The following PGM3 variants were observed in gnomAD, a reference collection of about 807,000 sequenced individuals.
PGM3 encodes phosphoglucomutase 3.
In PGM3, 40 loss-of-function variants were observed where a neutral mutation model predicts 66.2. The observed-to-expected ratio is 0.60, with a 90% CI of 0.47 to 0.79. PGM3 has a LOEUF of 0.79. Ranked by LOEUF, PGM3 falls within the 30% of genes least tolerant of loss-of-function variation. The pLI is 0.00. For synonymous variants in PGM3, 191 were observed against 224.2 expected (o/e 0.85, Z 1.32); for missense variants, 537 against 643.4 (o/e 0.83, Z 1.79).
intron 2 of PGM3, 79 bp downstream of exon 2, chr6:83,190,730 C>A: frequency 8.9e-7 from 1 of 1,121,298 alleles, no homozygotes. Flanking sequence ...AGAATTTGTA[C>A]TTTAGGTCAA....
the PGM3 span, chr6:83,154,303 C>G: frequency 1.4e-6 from 2 of 1,462,060 alleles, no homozygotes; most frequent in Non-Finnish European, 1.9e-6. Context: ...TTACTATTTA[C>G]TTGTACTCTT....
chr6:83,152,620 C>CTTTTTT, the PGM3 span, among the ~76,000 whole-genome samples: 9 of 133,880 alleles, frequency 6.7e-5, no homozygotes, highest in Non-Finnish European at 9.7e-5. Flanking sequence ...TTTTCTTTTT[C>CTTTTTT]TTTTTTTTTT....
chr6:83,171,844 G>C lies in PGM3; in HGVS notation c.1365+93C>G. ...ATATGTGTATGTACAGAATGAAATA[G>C]GAAACATATGTCAGTGAGATATAAT... On this transcript the variant is annotated intron_variant, in intron 11 of 12. Coordinates refer to ENST00000513973, the MANE Select transcript of PGM3 (RefSeq NM_015599.3). 3.0e-6 allele frequency: 3 copies of C among 1,015,118 alleles called. No homozygotes were observed. The South Asian group carries it at 4.4e-5, about 15-fold the overall frequency. 62.9% of individuals were successfully genotyped at this position (1,015,118 alleles called of 1,614,324 possible).
chr6:83,184,925 A>C (rs528428209), intron 4 of PGM3, among the ~76,000 whole-genome samples: 18 of 152,306 alleles, frequency 1.2e-4, no homozygotes, highest in African/African-American at 3.8e-4. Flanking sequence ...CTCTTCTCCT[A>C]GCCCCTCTTC....
In PGM3 at chr6:83,169,266, C is replaced by G. The variant is rs1258220855; in HGVS notation, c.1597G>C (p.Gly533Arg). The G allele has an allele frequency of 6.2e-7, 1 of 1,614,084 alleles. No homozygotes were observed. The highest frequency in any genetic ancestry group is 1.7e-5 in the Admixed American group (1 of 60,024). Residue 533 changes from glycine (G) to arginine (R), a missense_variant, in exon 13 of 13, where the codon GGA becomes CGA. Coordinates refer to ENST00000513973, the MANE Select transcript of PGM3 (RefSeq NM_015599.3). ...CCTGGTTGGGGCCTTTCTCCAATTC[C>G]TCCAGCCAGCTGAAATACTGCCAAG... ...VSLAVFQLAGGIGERPQPGF is the reference protein window; with the variant it reads ...VSLAVFQLAGRIGERPQPGF
chr6:83,154,513 T>G, the PGM3 span, among the ~76,000 whole-genome samples: 7 of 152,320 alleles, frequency 4.6e-5, no homozygotes, highest in South Asian at 1.2e-3. Flanking sequence ...CATGTCTAAT[T>G]TGAATCTAAA....
At position 83,192,261 on chromosome 6, in the gene PGM3, T is replaced by C. The variant is rs574089306; in HGVS notation, c.-3+918A>G. ...GGCTGGGCGACAGGGTGAGACTCCG[T>C]CTCAAAACAAACAACAACAAAAAAT... is the stretch of plus-strand genomic sequence containing the variant. On this transcript the variant is annotated intron_variant, in intron 1 of 12. Transcript: ENST00000513973. Among the ~76,000 whole-genome samples, 4 of 152,332 alleles carry C rather than the reference T, an allele frequency of 2.6e-5. No individual in the cohort carries two copies. The East Asian group carries it at 5.8e-4, about 22-fold the overall frequency.
At position 83,167,524 on chromosome 6, in the gene PGM3, G is replaced by T. The variant is rs1786060743; in HGVS notation, c.*1710C>A. Reference sequence around the variant, plus strand: ...CTAGTCCTTGGTTACAGTAGTGAGGGTTCAGAAACCTGGGAGCTTTTTGAG... The same window carrying T: ...CTAGTCCTTGGTTACAGTAGTGAGGTTTCAGAAACCTGGGAGCTTTTTGAG... On this transcript the variant is annotated 3_prime_UTR_variant, in exon 13 of 13. Transcript: ENST00000513973. 1 of 1,020,334 alleles carries T rather than the reference G, an allele frequency of 9.8e-7. No homozygotes were observed. Among genetic ancestry groups the T allele is most frequent in the South Asian group, 4.5e-5 (1 of 22,090 alleles). The allele number at this position is 1,020,334 out of a possible 1,614,324, so 63.2% of individuals were successfully genotyped here. A position where few individuals can be genotyped will look rare whatever the true frequency, so the allele number is the denominator to read the frequency against.
chr6:83,149,016 T>G, the PGM3 span, among the ~76,000 whole-genome samples: 9 of 151,480 alleles, frequency 5.9e-5, no homozygotes, highest in East Asian at 1.7e-3. Flanking sequence ...AAGGCCTGTT[T>G]AAGAAAAAAA....
chr6:83,160,824 T>C (rs1784056835), downstream of PGM3, among the ~76,000 whole-genome samples: 2 of 152,154 alleles, frequency 1.3e-5, no homozygotes, highest in Admixed American at 1.3e-4. Context: ...GGATAAAGAG[T>C]ATGCTACTGA....
Position 83,168,735 on chromosome 6 carries a change from C to G in PGM3, c.*499G>C. 3 of 997,344 alleles carry G rather than the reference C, an allele frequency of 3.0e-6. No individual in the cohort carries two copies. Among genetic ancestry groups the G allele is most frequent in the Non-Finnish European group, 3.6e-6 (3 of 836,630 alleles). The allele number at this position is 997,344 out of a possible 1,614,324, so 61.8% of individuals were successfully genotyped here. On this transcript the variant is annotated 3_prime_UTR_variant, in exon 13 of 13. Coordinates refer to ENST00000513973, the MANE Select transcript of PGM3 (RefSeq NM_015599.3). ...AACCCCCTATTCATACCTCTGAGTT[C>G]CTGATGGCATTAGTCATATAGGTAA...
chr6:83,169,760 T>C (rs1231848000), intron 12 of PGM3: 2 of 457,980 alleles, frequency 4.4e-6, no homozygotes, highest in South Asian at 1.5e-5. Flanking sequence ...GCACTCACTG[T>C]ACTTTGCCCT....
chr6:83,166,668 AC>A lies in PGM3; in HGVS notation c.*2565del, dbSNP rs146881049. The A allele has an allele frequency of 1.7e-3, 2,127 of 1,269,152 alleles. 51 individuals carry two copies. In the East Asian group the frequency reaches 0.052, roughly 31 times the overall value. The allele number at this position is 1,269,152 out of a possible 1,614,324, so 78.6% of individuals were successfully genotyped here. ...TTTCAACAATGCAAAAACCGCAATT[AC>A]GTTTGCACCAACCTAATATTTTCCT... On this transcript the variant is annotated 3_prime_UTR_variant, in exon 13 of 13. Coordinates refer to ENST00000513973, the MANE Select transcript of PGM3 (RefSeq NM_015599.3).
intron 11 of PGM3, 135 bp downstream of exon 11, chr6:83,171,802 C>A (rs751336907): frequency 1.1e-4 from 78 of 715,700 alleles, no homozygotes; most frequent in Non-Finnish European, 1.6e-4. Context: ...CCCATAAGGC[C>A]TTATTTTCTA....
chr6:83,152,521 A>G, the PGM3 span, among the ~76,000 whole-genome samples: 1 of 151,858 alleles, frequency 6.6e-6, no homozygotes, highest in Non-Finnish European at 1.5e-5. Context: ...TTGGCCTTGT[A>G]TGTATTTGGA....
At chr6:83,176,090 C>G in intron 8 of PGM3, 30 bp from the exon 9 acceptor site, 1 of 1,192,134 alleles carries the variant, frequency 8.4e-7, no homozygotes, top group Non-Finnish European at 1.3e-6. Context: ...AGAAATACAG[C>G]AATTACTCAG....
At chr6:83,186,521 G>A (rs775691485) in intron 4 of PGM3, among the ~76,000 whole-genome samples, 33 of 152,220 alleles carry the variant, frequency 2.2e-4, no homozygotes, top group Non-Finnish European at 4.4e-4. Context: ...CAGACACAGT[G>A]TGAGAAGGGG....
chr6:83,183,063 G>T, intron 4 of PGM3, 85 bp from the exon 5 acceptor site: 1 of 1,243,472 alleles, frequency 8.0e-7, no homozygotes, highest in Non-Finnish European at 1.1e-6. Context: ...AGGAATTTCA[G>T]GGTGACAAAT....
At chr6:83,193,364 G>C (rs1382975954), upstream of PGM3, 1 of 152,060 alleles carries the variant, frequency 6.6e-6, no homozygotes, top group Non-Finnish European at 1.5e-5. Context: ...GCCGCAGGTC[G>C]CGCGCAGCTG....
Sources: gnomAD v4.1 joint callset for allele counts (sites outside exome capture counted in the v4.1 genomes callset) on GRCh38, gnomAD v4.1.1 for gene constraint, MANE v1.5 for transcripts, NCBI Gene and HGNC (gene_info 2026-07-23, HGNC 2026-07-21) for gene names.